IARS1: variants seen among roughly 807,000 people sequenced by gnomAD.
IARS1 encodes the protein isoleucyl-tRNA synthetase 1.
IARS1 carries 124 observed loss-of-function variants against 168.2 expected under a neutral mutation model. The observed-to-expected ratio is 0.74, with a 90% CI of 0.64 to 0.86. The LOEUF is 0.86. IARS1 is among the 40% of genes least tolerant of loss of function. The pLI is 0.00. For synonymous variants in IARS1, 532 were observed against 529.4 expected (o/e 1.00, Z -0.07); for missense variants, 1,452 against 1,515.8 (o/e 0.96, Z 0.70).
intron 26 of IARS1, 100 bp downstream of exon 26, chr9:92,247,277 A>G: frequency 1.9e-6 from 2 of 1,062,572 alleles, no homozygotes; most frequent in Admixed American, 2.2e-5. Context: ...ACGACAGGAC[A>G]GGAAAGGAAA....
rs993651875 is a variant in IARS1 at position 92,222,815 on chromosome 9, A to C, written c.3554-143T>G. On this transcript the variant is annotated intron_variant, in intron 32 of 33. Coordinates refer to ENST00000443024, the MANE Select transcript of IARS1 (RefSeq NM_002161.6). The stretch of plus-strand genomic sequence containing the variant: ...GCGTGAGTGTGACCGCTGAAGATGC[A>C]GTCCATGCAGAAACAGCTCTCAACA... 8 of 642,678 alleles carry C rather than the reference A, an allele frequency of 1.2e-5. No homozygotes were observed. In the African/African-American group the frequency reaches 1.5e-4, roughly 12 times the overall value. 39.8% of individuals were successfully genotyped at this position (642,678 alleles called of 1,614,324 possible).
chr9:92,270,966 A>AG lies in IARS1; in HGVS notation c.1205+18dup, dbSNP rs1158852115. ...AGACTGGAAGCTCTAGCTACAACAC[A>AG]GTCTTTGTTTCTTCTGACCTCCAGC... is the stretch of plus-strand genomic sequence containing the variant. On this transcript the variant is annotated intron_variant, in intron 12 of 33. Coordinates refer to ENST00000443024, the MANE Select transcript of IARS1 (RefSeq NM_002161.6). 1 of 1,562,402 alleles carries AG rather than the reference A, an allele frequency of 6.4e-7. No homozygotes were observed. Among genetic ancestry groups the AG allele is most frequent in the Admixed American group, 1.8e-5 (1 of 56,062 alleles).
chr9:92,213,890 C>A (rs939640281), intron 33 of IARS1, among the ~76,000 whole-genome samples: 1 of 152,090 alleles, frequency 6.6e-6, no homozygotes, highest in Admixed American at 6.5e-5. Flanking sequence ...CAGCACACTG[C>A]AACCTCTGCC....
Position 92,240,904 on chromosome 9 carries a change from C to G in IARS1, c.3235G>C (p.Ala1079Pro). The G allele has an allele frequency of 1.2e-6, 2 of 1,613,596 alleles. No individual in the cohort carries two copies. Residue 1079 changes from alanine to proline, a missense_variant, in exon 30 of 34, where the codon GCT becomes CCT. Physicochemically the swap from Ala to Pro is conservative, Grantham distance 27. Transcript: ENST00000443024. ...ATGTTAAGATTGACATATGCACAAG[C>G]AGGACCAGGAAGGGAAGATCCTCTG... The part of the protein sequence containing the change: ...LTRGSSLPGP[A>P]CAYVNLNICA...
At chr9:92,268,975 CCT>C (rs2133855534) in intron 13 of IARS1, among the ~76,000 whole-genome samples, 1 of 152,256 alleles carries the variant, frequency 6.6e-6, no homozygotes, top group South Asian at 2.1e-4. Context: ...GGCTACCAGA[CCT>C]CCCCTTCTTC....
chr9:92,214,398 T>C (rs1285349019), intron 33 of IARS1, among the ~76,000 whole-genome samples: 1 of 151,784 alleles, frequency 6.6e-6, no homozygotes, highest in East Asian at 2.0e-4. Context: ...TCTACTAAAA[T>C]TACAAAAATT....
chr9:92,251,930 T>G lies in IARS1; in HGVS notation c.2230-45A>C, dbSNP rs371303538. On this transcript the variant is annotated intron_variant, in intron 21 of 33. Coordinates refer to ENST00000443024, the MANE Select transcript of IARS1 (RefSeq NM_002161.6). The stretch of plus-strand genomic sequence containing the variant: ...CATAAACATTAAACTGTTAAATAAG[T>G]GTTTATCATTAAAAAAATAAGTTTA... The G allele has an allele frequency of 1.1e-5, 14 of 1,310,352 alleles. No individual in the cohort carries two copies. In the African/African-American group the frequency reaches 1.8e-4, roughly 16 times the overall value. 81.2% of individuals were successfully genotyped at this position (1,310,352 alleles called of 1,614,324 possible). A position where few individuals can be genotyped will look rare whatever the true frequency, so the allele number is the denominator to read the frequency against.
At chr9:92,270,348 T>TA (rs1282273363) in intron 12 of IARS1, among the ~76,000 whole-genome samples, 1 of 152,196 alleles carries the variant, frequency 6.6e-6, no homozygotes, top group East Asian at 1.9e-4. Context: ...TATTAAAGGT[T>TA]AAAATCATAT....
chr9:92,229,151 T>C (rs1826227474), intron 30 of IARS1, 25 bp from the exon 31 acceptor site: 1 of 1,600,800 alleles, frequency 6.2e-7, no homozygotes, highest in Non-Finnish European at 8.5e-7. Context: ...AAATAACACC[T>C]CAATCAGACA....
At chr9:92,258,368 C>T (rs992838576) in intron 19 of IARS1, among the ~76,000 whole-genome samples, 1 of 152,158 alleles carries the variant, frequency 6.6e-6, no homozygotes, top group Non-Finnish European at 1.5e-5. Context: ...CCAAGAAGGG[C>T]GGATCACCTG....
chr9:92,222,410 A>T (rs1188301036), intron 33 of IARS1, 110 bp downstream of exon 33: 2 of 660,524 alleles, frequency 3.0e-6, no homozygotes, highest in Non-Finnish European at 4.7e-6. Context: ...AAAGAATAAC[A>T]AAACAGGATA....
At chr9:92,275,383 G>A (rs1833638310) in intron 9 of IARS1, among the ~76,000 whole-genome samples, 1 of 152,182 alleles carries the variant, frequency 6.6e-6, no homozygotes, top group Admixed American at 6.5e-5. Flanking sequence ...ACATGGAACA[G>A]GTCTTCTGGT....
chr9:92,266,252 C>T (rs1196816909), intron 14 of IARS1, among the ~76,000 whole-genome samples: 1 of 152,190 alleles, frequency 6.6e-6, no homozygotes, highest in Admixed American at 6.5e-5. Context: ...TTAGTTTCCT[C>T]CTGGCACCTG....
At chr9:92,277,617 G>A (rs1294070027) in intron 9 of IARS1, among the ~76,000 whole-genome samples, 1 of 151,438 alleles carries the variant, frequency 6.6e-6, no homozygotes, top group Non-Finnish European at 1.5e-5. Context: ...CGAGGTTGCA[G>A]TGAGCTGTGA....
chr9:92,267,196 T>C (rs1490155140), intron 14 of IARS1, among the ~76,000 whole-genome samples: 1 of 152,150 alleles, frequency 6.6e-6, no homozygotes, highest in Non-Finnish European at 1.5e-5. Context: ...GGAGGGATCA[T>C]CTGACAAGGG....
At chr9:92,233,147 A>G (rs1354063735) in intron 30 of IARS1, among the ~76,000 whole-genome samples, 1 of 152,232 alleles carries the variant, frequency 6.6e-6, no homozygotes, top group Non-Finnish European at 1.5e-5. Flanking sequence ...TCAAATAAGA[A>G]ATGTTGTTTA....
At chr9:92,285,937 A>G (rs1467966584) in intron 5 of IARS1, 98 bp from the exon 6 acceptor site, 1 of 704,200 alleles carries the variant, frequency 1.4e-6, no homozygotes, top group Non-Finnish European at 2.5e-6. Flanking sequence ...TGTCTGCCAA[A>G]TAAGTGAAAA....
intron 30 of IARS1, among the ~76,000 whole-genome samples, chr9:92,233,926 T>C (rs898597979): frequency 9.9e-5 from 15 of 152,088 alleles, no homozygotes; most frequent in South Asian, 2.1e-4. Context: ...CACACTTGCC[T>C]AGTTTTTTAT....
intron 33 of IARS1, among the ~76,000 whole-genome samples, chr9:92,217,401 G>T (rs1267943320): frequency 2.2e-5 from 3 of 137,612 alleles, no homozygotes; most frequent in Non-Finnish European, 4.7e-5. Context: ...AAAGCTAGCA[G>T]AAGGCAAGAA....
Sources: allele counts gnomAD v4.1 joint callset (sites outside exome capture counted in the v4.1 genomes callset), GRCh38; gene constraint gnomAD v4.1.1; transcripts MANE v1.5; gene names NCBI Gene and HGNC (gene_info 2026-07-23, HGNC 2026-07-21).